SLC1A2: variants seen among roughly 807,000 people sequenced by gnomAD.
The protein encoded by SLC1A2 is solute carrier family 1 member 2, also known as excitatory amino acid transporter 2.
A neutral mutation model predicts 48.8 loss-of-function variants in SLC1A2; 15 were observed. The observed-to-expected ratio is 0.31, with a 90% CI of 0.21 to 0.47. SLC1A2 has a LOEUF of 0.47. SLC1A2 is among the 20% of genes least tolerant of loss of function. SLC1A2 has a pLI of 0.99. For missense variants in SLC1A2, 502 were observed against 730.5 expected (o/e 0.69, Z 3.61); for synonymous variants, 279 against 272.6 (o/e 1.02, Z -0.23).
At chr11:35,418,562 T>C (rs958280522) in intron 1 of SLC1A2, 3 of 204,194 alleles carry the variant, frequency 1.5e-5, no homozygotes, top group East Asian at 1.4e-4. Context: ...CGGCACCACC[T>C]GCAAGCCCGC....
chr11:35,334,439 C>T (rs955652350), intron 1 of SLC1A2, among the ~76,000 whole-genome samples: 6 of 152,146 alleles, frequency 3.9e-5, no homozygotes, highest in Admixed American at 3.3e-4. Context: ...TTTAACAGAG[C>T]GAATCACGTT....
chr11:35,274,406 G>A (rs898841040), intron 9 of SLC1A2, among the ~76,000 whole-genome samples: 7 of 152,176 alleles, frequency 4.6e-5, no homozygotes, highest in Admixed American at 6.5e-5. Context: ...GATGTAGACC[G>A]GAGATAAGAT....
intron 8 of SLC1A2, among the ~76,000 whole-genome samples, chr11:35,283,480 G>T (rs1565212725): frequency 6.6e-6 from 1 of 152,116 alleles, no homozygotes; most frequent in Non-Finnish European, 1.5e-5. Flanking sequence ...AATGCATATG[G>T]TCAAACTCAT....
At chr11:35,308,037 C>T (rs952061428) in intron 4 of SLC1A2, among the ~76,000 whole-genome samples, 4 of 152,248 alleles carry the variant, frequency 2.6e-5, no homozygotes, top group African/African-American at 9.6e-5. Flanking sequence ...GAGTCATGCT[C>T]CCAGGAAAGA....
At position 35,419,140 on chromosome 11, in the gene SLC1A2, G is replaced by C. The variant is rs2135316375; in HGVS notation, c.-174C>G. The C allele has an allele frequency of 5.9e-6, 3 of 507,428 alleles. No homozygotes were observed. Among genetic ancestry groups the C allele is most frequent in the Non-Finnish European group, 1.0e-5 (3 of 288,590 alleles). 31.4% of individuals were successfully genotyped at this position (507,428 alleles called of 1,614,324 possible). On this transcript the variant is annotated 5_prime_UTR_variant, in exon 1 of 11. Coordinates refer to ENST00000278379, the MANE Select transcript of SLC1A2 (RefSeq NM_004171.4). This position sits in a 1 kb window ranked among gnomAD's most constrained non-coding sequence, Gnocchi z 5.4. ...CTTTAGCGCCTCAACGGGCGCAGGA[G>C]GCTCCTGCGGGCGCTAATCCGCGTC...
At chr11:35,375,500 G>T (rs1281664664) in intron 1 of SLC1A2, among the ~76,000 whole-genome samples, 2 of 152,012 alleles carry the variant, frequency 1.3e-5, no homozygotes, top group East Asian at 3.9e-4. Context: ...GCAGGTGCAG[G>T]TTGCAGGATG....
intron 1 of SLC1A2, among the ~76,000 whole-genome samples, chr11:35,401,060 G>A (rs1855124303): frequency 6.6e-6 from 1 of 152,200 alleles, no homozygotes; most frequent in Admixed American, 6.5e-5. Flanking sequence ...TTGGTAATTG[G>A]TTGAAAAAGT....
chr11:35,364,923 G>A (rs1853791596), intron 1 of SLC1A2, among the ~76,000 whole-genome samples: 1 of 152,216 alleles, frequency 6.6e-6, no homozygotes. Flanking sequence ...TTACAGATGA[G>A]AAAATGGAGA....
chr11:35,302,525 C>T (rs910494837), intron 5 of SLC1A2, among the ~76,000 whole-genome samples: 5 of 152,154 alleles, frequency 3.3e-5, no homozygotes, highest in Non-Finnish European at 7.3e-5. Flanking sequence ...GGAGCTTCAT[C>T]TCTGCCCTCT....
Position 35,419,058 on chromosome 11 carries a change from G to A in SLC1A2, c.-92C>T. On this transcript the variant is annotated 5_prime_UTR_variant, in exon 1 of 11. Coordinates refer to ENST00000278379, the MANE Select transcript of SLC1A2 (RefSeq NM_004171.4). This position sits in a 1 kb window ranked among gnomAD's most constrained non-coding sequence, Gnocchi z 5.4. ...CCGGGGTGAGCGCGAAGTGCGGCCG[G>A]GAGCGGTATTTAAGAGGAGCCTCTG... The A allele has an allele frequency of 5.6e-6, 7 of 1,245,996 alleles. No homozygotes were observed. The South Asian group carries it at 9.3e-5, about 17-fold the overall frequency. The allele number at this position is 1,245,996 out of a possible 1,614,324, so 77.2% of individuals were successfully genotyped here.
chr11:35,380,380 CCTT>C (rs1259138769), intron 1 of SLC1A2: 19 of 398,496 alleles, frequency 4.8e-5, no homozygotes, highest in African/African-American at 8.2e-5. Context: ...TGAGCACTAA[CCTT>C]CTCCAAATGT....
chr11:35,265,256 G>A, intron 10 of SLC1A2: 1 of 522,916 alleles, frequency 1.9e-6, no homozygotes, highest in Non-Finnish European at 3.3e-6. Flanking sequence ...TTAGTTAAAT[G>A]GGGTAGATAG....
intron 6 of SLC1A2, among the ~76,000 whole-genome samples, chr11:35,296,838 C>T (rs577224741): frequency 3.3e-5 from 5 of 152,092 alleles, no homozygotes; most frequent in Non-Finnish European, 4.4e-5. Context: ...CGCTATTGCA[C>T]GGCACTTATT....
chr11:35,283,528 T>C (rs1850708487), intron 8 of SLC1A2, among the ~76,000 whole-genome samples: 1 of 152,154 alleles, frequency 6.6e-6, no homozygotes. Flanking sequence ...TATCAGTTAA[T>C]ATAAAACAAA....
In SLC1A2 at chr11:35,312,367, G is replaced by T; in HGVS notation, c.392C>A (p.Ala131Asp). 1 of 1,614,186 alleles carries T rather than the reference G, an allele frequency of 6.2e-7. No individual in the cohort carries two copies. Among genetic ancestry groups the T allele is most frequent in the Non-Finnish European group, 8.5e-7 (1 of 1,180,014 alleles). Reference sequence around the variant, plus strand: ...GACCAGAATGACCCCCAGTACTGCAGCAATGATGGTCGTGGACATGTAATA... The same window carrying T: ...GACCAGAATGACCCCCAGTACTGCATCAATGATGGTCGTGGACATGTAATA... ...MVYYMSTTII[A>D]AVLGVILVLA... The change falls in exon 4 of 11, where the codon GCT becomes GAT. Residue 131 changes from alanine (A) to aspartate (D), a missense_variant. By Grantham distance (126) the Ala-to-Asp change is moderately radical. This residue lies in a region of SLC1A2 where 309 missense variants were observed against 480.3 expected (regional missense o/e 0.64). Coordinates refer to ENST00000278379, the MANE Select transcript of SLC1A2 (RefSeq NM_004171.4).
chr11:35,318,215 C>A (rs1396712716), intron 1 of SLC1A2, among the ~76,000 whole-genome samples: 1 of 152,178 alleles, frequency 6.6e-6, no homozygotes, highest in Non-Finnish European at 1.5e-5. Flanking sequence ...TGCAGCCAAG[C>A]CCTTTTCTGG....
At chr11:35,322,495 G>A in intron 1 of SLC1A2, 3 of 959,162 alleles carry the variant, frequency 3.1e-6, no homozygotes, top group Non-Finnish European at 4.8e-6. Context: ...ACACTCCCCA[G>A]GGAGCCTAAA....
chr11:35,315,296 A>C, intron 2 of SLC1A2, 121 bp from the exon 3 acceptor site: 1 of 661,074 alleles, frequency 1.5e-6, no homozygotes, highest in Non-Finnish European at 2.6e-6. Flanking sequence ...ATGATGAACA[A>C]TGTGTAACAA....
intron 1 of SLC1A2, among the ~76,000 whole-genome samples, chr11:35,349,813 G>A (rs1377575641): frequency 1.3e-5 from 2 of 152,104 alleles, no homozygotes; most frequent in African/African-American, 4.8e-5. Flanking sequence ...CAGTCTTTGG[G>A]CTCAGGGGGC....
Sources: allele counts gnomAD v4.1 joint callset (sites outside exome capture counted in the v4.1 genomes callset), GRCh38; gene constraint gnomAD v4.1.1; regional missense constraint gnomAD v4.1.1; non-coding constraint Gnocchi (gnomAD v3.1); transcripts MANE v1.5; gene names NCBI Gene and HGNC (gene_info 2026-07-23, HGNC 2026-07-21).